Variants in CLOCK observed in about 807,000 individuals in gnomAD.
The protein encoded by CLOCK is circadian locomoter output cycles protein kaput.
In CLOCK, 43 loss-of-function variants were observed where a neutral mutation model predicts 118.4. That is an observed-to-expected ratio of 0.36 (90% CI 0.28 to 0.47). CLOCK has a LOEUF of 0.47. Ranked by LOEUF, CLOCK falls within the 20% of genes least tolerant of loss-of-function variation. The pLI is 1.00. For synonymous variants in CLOCK, 326 were observed against 339.2 expected, an observed-to-expected ratio of 0.96 and a Z score of 0.43; for missense variants, 846 against 999.9, an observed-to-expected ratio of 0.85 and a Z score of 2.08.
At chr4:55,472,553 C>T (rs943866523) in intron 7 of CLOCK, among the ~76,000 whole-genome samples, 4 of 152,096 alleles carry the variant, frequency 2.6e-5, no homozygotes, top group Admixed American at 2.6e-4. Flanking sequence ...AAATGGCTCT[C>T]GAAAAGGATA....
chr4:55,531,872 A>C (rs1177108633), intron 1 of CLOCK, among the ~76,000 whole-genome samples: 1 of 151,216 alleles, frequency 6.6e-6, no homozygotes, highest in East Asian at 1.9e-4. Flanking sequence ...CACGGTAATA[A>C]CCATAATGAA....
At chr4:55,524,472 G>C (rs998669738) in intron 1 of CLOCK, among the ~76,000 whole-genome samples, 1 of 152,004 alleles carries the variant, frequency 6.6e-6, no homozygotes, top group Non-Finnish European at 1.5e-5. Flanking sequence ...GACTAGACAA[G>C]AATAACTATA....
At chr4:55,490,363 A>G (rs2109945808) in intron 2 of CLOCK, among the ~76,000 whole-genome samples, 1 of 152,116 alleles carries the variant, frequency 6.6e-6, no homozygotes, top group East Asian at 1.9e-4. Flanking sequence ...GGACCCAAAT[A>G]TATTAAGCAA....
intron 1 of CLOCK, among the ~76,000 whole-genome samples, chr4:55,512,834 C>T (rs552366724): frequency 6.6e-6 from 1 of 152,186 alleles, no homozygotes; most frequent in East Asian, 1.9e-4. Flanking sequence ...ATTGTATTGT[C>T]TTTGTTCCTC....
rs1385574660 is a variant in CLOCK, at chr4:55,432,579, C to G, written c.*2836G>C. 1 of 124,456 alleles carries G rather than the reference C, an allele frequency of 8.0e-6. No individual in the cohort carries two copies. The highest frequency in any genetic ancestry group is 1.6e-5 in the Non-Finnish European group (1 of 63,568). 7.7% of individuals were successfully genotyped at this position (124,456 alleles called of 1,614,324 possible). ...CAGCTTTGGCTATAGAAATGAAGAA[C>G]AGACACTGCTGAATCTTCATTTGAA... is the stretch of plus-strand genomic sequence containing the variant. On this transcript the variant is annotated 3_prime_UTR_variant, in exon 23 of 23. Transcript: ENST00000513440.
At position 55,443,825 on chromosome 4, in the gene CLOCK, A is replaced by G. The variant is rs3736544; in HGVS notation, c.1764T>C (p.Asn588=). ...TATTTATAGGTGCAAGTTGCTGGATATTAGATGAATTTCCAGAAGAAAGTT... is the reference window on the plus strand; with the variant it reads ...TATTTATAGGTGCAAGTTGCTGGATGTTAGATGAATTTCCAGAAGAAAGTT... The part of the protein sequence containing the change: ...SVQLSSGNSS[N]IQQLAPINMQ... The change falls in exon 20 of 23, where the codon AAT becomes AAC. Residue 588 remains asparagine, a synonymous_variant. Coordinates refer to ENST00000513440, the MANE Select transcript of CLOCK (RefSeq NM_004898.4). 1,071,749 of 1,613,442 alleles carry G rather than the reference A, an allele frequency of 0.66. 358,738 individuals carry two copies. Among genetic ancestry groups the G allele is most frequent in the South Asian group, 0.81 (73,640 of 91,066 alleles).
At chr4:55,491,035 T>C (rs1727639275) in intron 2 of CLOCK, among the ~76,000 whole-genome samples, 3 of 152,074 alleles carry the variant, frequency 2.0e-5, no homozygotes, top group Admixed American at 2.0e-4. Flanking sequence ...AGAAAATTCA[T>C]AAGCAGATGA....
In CLOCK at chr4:55,442,611, C is replaced by T; in HGVS notation, c.1926G>A (p.Gly642=). The T allele has an allele frequency of 1.2e-6, 2 of 1,612,646 alleles. No homozygotes were observed. The highest frequency in any genetic ancestry group is 8.5e-7 in the Non-Finnish European group (1 of 1,179,716). The change falls in exon 21 of 23, where the codon GGG becomes GGA. Residue 642 remains glycine (G), a synonymous_variant. Transcript: ENST00000513440. The part of the protein sequence containing the change: ...STQSQQNVLS[G]HSQQTSLPSQ... ...TGGGTAGAGATGTTTGCTGACTGTG[C>T]CCACTCAGTACATTTTGTTGACTCT... is the stretch of plus-strand genomic sequence containing the variant.
At chr4:55,499,791 C>T (rs1477717952) in intron 2 of CLOCK, among the ~76,000 whole-genome samples, 2 of 152,200 alleles carry the variant, frequency 1.3e-5, no homozygotes, top group African/African-American at 4.8e-5. Flanking sequence ...AGGTCTTTGC[C>T]ATGTTTCTTT....
intron 2 of CLOCK, among the ~76,000 whole-genome samples, chr4:55,498,163 GTAC>G (rs1358375477): frequency 6.6e-6 from 1 of 152,134 alleles, no homozygotes; most frequent in Non-Finnish European, 1.5e-5. Flanking sequence ...GACATATTAT[GTAC>G]TACATCTATG....
Position 55,438,321 on chromosome 4 carries a change from A to G in CLOCK, c.2322T>C (p.Ser774=), listed in dbSNP as rs1208811043. ...GCGGTGGCTGGGTCAGCTGAGCCTGAGATGGTTGCTGAACTGAAGTGAGCT... is the reference window on the plus strand; with the variant it reads ...GCGGTGGCTGGGTCAGCTGAGCCTGGGATGGTTGCTGAACTGAAGTGAGCT... ...EQQLTSVQQP[S]QAQLTQPPQQ... Residue 774 remains serine (S), a synonymous_variant, in exon 22 of 23, where the codon TCT becomes TCC. Transcript: ENST00000513440. The G allele has an allele frequency of 2.5e-6, 4 of 1,613,972 alleles. No individual in the cohort carries two copies. In the African/African-American group the frequency reaches 5.3e-5, roughly 22 times the overall value.
intron 1 of CLOCK, among the ~76,000 whole-genome samples, chr4:55,544,374 C>T (rs766359807): frequency 5.3e-5 from 8 of 152,020 alleles, no homozygotes; most frequent in Non-Finnish European, 8.8e-5. Context: ...AAATTTTACC[C>T]ATCTATGACT....
chr4:55,500,357 G>A (rs1728354896), intron 2 of CLOCK, among the ~76,000 whole-genome samples: 1 of 152,020 alleles, frequency 6.6e-6, no homozygotes, highest in Admixed American at 6.6e-5. Flanking sequence ...GGAGTGGTGT[G>A]TTTTGAGATA....
chr4:55,539,344 T>TG lies in CLOCK; in HGVS notation c.-290+7437dup, dbSNP rs990861621. Among the ~76,000 whole-genome samples, 10 of 151,908 alleles carry TG rather than the reference T, an allele frequency of 6.6e-5. No individual in the cohort carries two copies. In the East Asian group the frequency reaches 1.5e-3, roughly 24 times the overall value. ...TACCCAGCACTTTGGGAGGCCAAGG[T>TG]GGGGGGATCTCTTAAGCCCAGGAGT... On this transcript the variant is annotated intron_variant, in intron 1 of 22. Coordinates refer to ENST00000513440, the MANE Select transcript of CLOCK (RefSeq NM_004898.4).
At chr4:55,440,863 A>G (rs1208108682) in intron 21 of CLOCK, among the ~76,000 whole-genome samples, 1 of 152,178 alleles carries the variant, frequency 6.6e-6, no homozygotes, top group Non-Finnish European at 1.5e-5. Context: ...ATCCAAAGCC[A>G]AGCTCAAGTC....
chr4:55,503,224 C>T (rs1380832471), intron 2 of CLOCK, among the ~76,000 whole-genome samples: 1 of 152,174 alleles, frequency 6.6e-6, no homozygotes, highest in African/African-American at 2.4e-5. Flanking sequence ...TTCTTCATAA[C>T]AGCCAATACT....
intron 7 of CLOCK, among the ~76,000 whole-genome samples, chr4:55,475,570 A>G (rs568531656): frequency 6.6e-6 from 1 of 152,282 alleles, no homozygotes; most frequent in South Asian, 2.1e-4. Context: ...GGCAAACTTC[A>G]TTGCTGACTC....
intron 18 of CLOCK, among the ~76,000 whole-genome samples, chr4:55,447,329 A>G (rs1486528869): frequency 1.3e-5 from 2 of 151,974 alleles, no homozygotes; most frequent in African/African-American, 4.8e-5. Flanking sequence ...GCGCCACTGC[A>G]CTCCAGCCTG....
At chr4:55,493,155 C>G (rs1727839701) in intron 2 of CLOCK, among the ~76,000 whole-genome samples, 1 of 152,034 alleles carries the variant, frequency 6.6e-6, no homozygotes, top group Non-Finnish European at 1.5e-5. Flanking sequence ...TAAAACACAA[C>G]CTGTTATCTA....
Sources: allele counts gnomAD v4.1 joint callset (sites outside exome capture counted in the v4.1 genomes callset), GRCh38; gene constraint gnomAD v4.1.1; transcripts MANE v1.5; gene names NCBI Gene and HGNC (gene_info 2026-07-23, HGNC 2026-07-21).